The following TTC6 variants were observed in gnomAD, a reference collection of about 807,000 sequenced individuals.
The protein encoded by TTC6 is tetratricopeptide repeat domain 6, also known as tetratricopeptide repeat protein 6.
TTC6 carries 172 observed loss-of-function variants against 210.4 expected under a neutral mutation model. That is an observed-to-expected ratio of 0.82 (90% CI 0.72 to 0.93). TTC6 has a LOEUF of 0.93. TTC6 is among the 40% of genes least tolerant of loss of function. TTC6 has a pLI of 0.00. For missense variants in TTC6, 2,414 were observed against 2,318.1 expected (o/e 1.04, Z -0.85); for synonymous variants, 804 against 819.6 (o/e 0.98, Z 0.32).
intron 7 of TTC6, among the ~76,000 whole-genome samples, chr14:37,725,459 T>C (rs2095871227): frequency 1.3e-5 from 2 of 150,720 alleles, no homozygotes; most frequent in African/African-American, 4.9e-5. Context: ...CAAGCAATTC[T>C]CCTGCCTCAG....
chr14:37,602,100 G>A (rs1238571984), intron 1 of TTC6, among the ~76,000 whole-genome samples: 1 of 152,236 alleles, frequency 6.6e-6, no homozygotes, highest in Non-Finnish European at 1.5e-5. Context: ...GTCCGTTGGG[G>A]CCCCTGCTCT....
At chr14:37,780,064 A>G (rs1456121219) in intron 14 of TTC6, among the ~76,000 whole-genome samples, 2 of 152,216 alleles carry the variant, frequency 1.3e-5, no homozygotes, top group African/African-American at 4.8e-5. Context: ...GAATGAATGA[A>G]TTAATTAATG....
Position 37,752,086 on chromosome 14 carries a change from A to C in TTC6, c.3129+861A>C, listed in dbSNP as rs182234617. 1.5e-3 allele frequency among the ~76,000 whole-genome samples: 234 copies of C among 152,120 alleles called. 4 individuals are homozygous for C. The highest frequency in any genetic ancestry group is 5.3e-3 in the African/African-American group (221 of 41,500). On this transcript the variant is annotated intron_variant, in intron 13 of 30. Coordinates refer to ENST00000553443, the Ensembl canonical transcript of TTC6. ...GTGATCCGCCCACCTTGGCCTCCCA[A>C]AGTGGTGGGGTTACAGGCGTGAGCC...
intron 21 of TTC6, among the ~76,000 whole-genome samples, chr14:37,805,654 C>G (rs1282614811): frequency 6.6e-6 from 1 of 152,044 alleles, no homozygotes; most frequent in Non-Finnish European, 1.5e-5. Context: ...CTTTAAAATG[C>G]GGGGAAAAAT....
chr14:37,640,136 G>GT (rs907152375), intron 1 of TTC6, among the ~76,000 whole-genome samples: 9 of 151,688 alleles, frequency 5.9e-5, no homozygotes, highest in East Asian at 1.9e-4. Context: ...CCATGAGAGT[G>GT]TTTTTTTCAA....
intron 10 of TTC6, among the ~76,000 whole-genome samples, chr14:37,744,422 T>C (rs1323073837): frequency 2.0e-5 from 3 of 152,194 alleles, no homozygotes; most frequent in Non-Finnish European, 4.4e-5. Flanking sequence ...AAGGTAGTGA[T>C]ATTTGAGCGT....
At chr14:37,770,320 T>C (rs1367470354) in intron 14 of TTC6, among the ~76,000 whole-genome samples, 3 of 152,178 alleles carry the variant, frequency 2.0e-5, no homozygotes, top group Non-Finnish European at 4.4e-5. Context: ...CTATTAGGTC[T>C]GCTTGGTGCA....
At chr14:37,675,810 A>G (rs1443432918) in intron 1 of TTC6, among the ~76,000 whole-genome samples, 3 of 144,066 alleles carry the variant, frequency 2.1e-5, no homozygotes, top group African/African-American at 7.8e-5. Context: ...TGTGATTTTG[A>G]TTTGTGTTTC....
intron 14 of TTC6, among the ~76,000 whole-genome samples, chr14:37,764,141 A>G (rs1168694009): frequency 6.6e-6 from 1 of 152,080 alleles, no homozygotes; most frequent in African/African-American, 2.4e-5. Flanking sequence ...TAGAAAATAT[A>G]CTTTGTATGA....
chr14:37,687,759 C>T (rs376618606), intron 3 of TTC6, among the ~76,000 whole-genome samples: 2 of 152,198 alleles, frequency 1.3e-5, no homozygotes, highest in East Asian at 3.9e-4. Flanking sequence ...GATTCATCAC[C>T]TCCTAACTGA....
intron 14 of TTC6, among the ~76,000 whole-genome samples, chr14:37,775,709 C>T (rs1254532410): frequency 3.3e-5 from 5 of 152,138 alleles, no homozygotes; most frequent in African/African-American, 4.8e-5. Flanking sequence ...TTAATACTGT[C>T]AGTGGGGTGT....
chr14:37,689,509 T>C (rs1332191839), intron 3 of TTC6, among the ~76,000 whole-genome samples: 1 of 151,978 alleles, frequency 6.6e-6, no homozygotes, highest in African/African-American at 2.4e-5. Flanking sequence ...AGACGGCTAC[T>C]TCAAGACATT....
At chr14:37,651,407 ATATATATATATATATATATTTTTT>A (rs2095711382) in intron 1 of TTC6, among the ~76,000 whole-genome samples, 1 of 16,862 alleles carries the variant, frequency 5.9e-5, no homozygotes, top group African/African-American at 2.7e-4. Context: ...ATATATATAT[ATATATATATATATATATATTTTTT>A]TTTTTTTTTT....
intron 1 of TTC6, among the ~76,000 whole-genome samples, chr14:37,649,352 A>C (rs1027182036): frequency 6.6e-6 from 1 of 152,100 alleles, no homozygotes. Flanking sequence ...TCCCACAAAC[A>C]CATCTTCTTT....
chr14:37,776,376 A>G (rs1384439497), intron 14 of TTC6, among the ~76,000 whole-genome samples: 1 of 152,102 alleles, frequency 6.6e-6, no homozygotes, highest in East Asian at 1.9e-4. Flanking sequence ...GTGGTTATTA[A>G]GCAGACTTGT....
chr14:37,640,686 G>A (rs947276327), intron 1 of TTC6, among the ~76,000 whole-genome samples: 5 of 152,102 alleles, frequency 3.3e-5, no homozygotes, highest in Non-Finnish European at 7.3e-5. Flanking sequence ...GGGATTATAG[G>A]CATGTGCCAC....
In TTC6 at chr14:37,768,966, A is replaced by G. The variant is rs368151194; in HGVS notation, c.3266+15731A>G. ...TCATAGATAGCTCTTATTATTTTGA[A>G]ATACGTCCCATCAATACCTAATTTA... On this transcript the variant is annotated intron_variant, in intron 14 of 30. Coordinates refer to ENST00000553443, the Ensembl canonical transcript of TTC6. Among the ~76,000 whole-genome samples the G allele has an allele frequency of 1.2e-4, 18 of 151,930 alleles. 1 individual carries two copies. The South Asian group carries it at 2.3e-3, about 19-fold the overall frequency.
At chr14:37,787,136 T>C (rs1439274066) in intron 14 of TTC6, among the ~76,000 whole-genome samples, 1 of 152,230 alleles carries the variant, frequency 6.6e-6, no homozygotes, top group Non-Finnish European at 1.5e-5. Context: ...AAATTAGTGC[T>C]TAATACATTT....
intron 16 of TTC6, among the ~76,000 whole-genome samples, chr14:37,791,101 A>T (rs1347161187): frequency 6.6e-6 from 1 of 152,328 alleles, no homozygotes; most frequent in Middle Eastern, 3.4e-3. Context: ...ATGGATAAGG[A>T]ATCAATACTA....
Sources: allele counts gnomAD v4.1 joint callset (sites outside exome capture counted in the v4.1 genomes callset), GRCh38; gene constraint gnomAD v4.1.1; transcripts MANE v1.5; gene names NCBI Gene and HGNC (gene_info 2026-07-23, HGNC 2026-07-21).